The following HCFC1 variants were observed in gnomAD, a reference collection of about 807,000 sequenced individuals.
HCFC1 encodes host cell factor C1.
A neutral mutation model predicts 105.5 loss-of-function variants in HCFC1; 7 were observed. The observed-to-expected ratio is 0.07, with a 90% CI of 0.04 to 0.12. The LOEUF is 0.12. HCFC1 is among the 10% of genes least tolerant of loss of function. The pLI, the probability that HCFC1 is intolerant of heterozygous loss-of-function variation, is 1.00. For synonymous variants in HCFC1, 918 were observed against 828.1 expected, an observed-to-expected ratio of 1.11 and a Z score of -1.86; for missense variants, 1,065 against 1,823.6, an observed-to-expected ratio of 0.58 and a Z score of 7.58.
At chrX:153,963,122 C>T (rs782616078) in intron 4 of HCFC1, 103 bp downstream of exon 4, 1 of 605,797 alleles carries the variant, frequency 1.7e-6, no homozygotes, top group African/African-American at 2.2e-5. Flanking sequence ...GCTCCAGCTC[C>T]CTAAGAGCCC....
At chrX:153,956,600 G>A (rs2065379525) in intron 15 of HCFC1, 25 bp downstream of exon 15, 7 of 1,210,219 alleles carry the variant, frequency 5.8e-6, no homozygotes, top group Middle Eastern at 4.6e-4. Context: ...AGGGGTGGCA[G>A]GGGACCTGGC....
intron 1 of HCFC1, among the ~76,000 whole-genome samples, chrX:153,965,230 G>A (rs782153545): frequency 1.8e-5 from 2 of 111,036 alleles, no homozygotes; most frequent in South Asian, 3.8e-4. Flanking sequence ...CTGACCTCCC[G>A]GACTTCCTCT....
intron 25 of HCFC1, 58 bp from the exon 26 acceptor site, chrX:153,949,444 C>T: frequency 8.8e-7 from 1 of 1,133,496 alleles, no homozygotes; most frequent in Non-Finnish European, 1.2e-6. Flanking sequence ...CACTGGAGGC[C>T]CTGCTGGTGC....
Position 153,959,837 on chromosome X carries a change from C to G in HCFC1, c.1409G>C (p.Ser470Thr). The change falls in exon 8 of 26, where the codon AGC becomes ACC. Residue 470 changes from serine to threonine, a missense_variant. Physicochemically the swap from Ser to Thr is moderately conservative, Grantham distance 58. Transcript: ENST00000310441. ...TIQVLPTVPG[S>T]SISVPTAART... ...GGCTGCGGTGGGCACAGAAATGGAG[C>G]TGCCAGGCACCGTTGGCAAGACCTG... The G allele has an allele frequency of 8.5e-7, 1 of 1,179,610 alleles. No individual in the cohort carries two copies. Among genetic ancestry groups the G allele is most frequent in the East Asian group, 3.0e-5 (1 of 33,519 alleles).
Position 153,958,100 on chromosome X carries a change from G to A in HCFC1, c.1953C>T (p.Thr651=), listed in dbSNP as rs1557115695. Residue 651 remains threonine, a synonymous_variant, in exon 11 of 26, where the codon ACC becomes ACT. Coordinates refer to ENST00000310441, the MANE Select transcript of HCFC1 (RefSeq NM_005334.3). ...VTVAQQAQVV[T]TVVGGVTKTI... ...TCTTGGTGACCCCGCCCACAACTGTGGTCACCACCTGGGCTTGCTGGGCCA... is the reference window on the plus strand; with the variant it reads ...TCTTGGTGACCCCGCCCACAACTGTAGTCACCACCTGGGCTTGCTGGGCCA... The A allele has an allele frequency of 1.7e-6, 2 of 1,211,917 alleles. No homozygotes were observed. The highest frequency in any genetic ancestry group is 2.3e-4 in the Middle Eastern group (1 of 4,350).
intron 3 of HCFC1, 35 bp downstream of exon 3, chrX:153,964,088 AC>A: frequency 8.6e-7 from 1 of 1,161,618 alleles, no homozygotes; most frequent in Non-Finnish European, 1.2e-6. Flanking sequence ...GAGCACACCC[AC>A]CCGGGGGGTT....
chrX:153,953,349 C>T (rs2065333692), intron 18 of HCFC1, among the ~76,000 whole-genome samples: 1 of 112,352 alleles, frequency 8.9e-6, no homozygotes, highest in Non-Finnish European at 1.9e-5. Flanking sequence ...CAGACCCCCG[C>T]CATGTCTTAT....
At chrX:153,966,199 G>A (rs1446981752) in intron 1 of HCFC1, among the ~76,000 whole-genome samples, 6 of 111,186 alleles carry the variant, frequency 5.4e-5, no homozygotes, top group African/African-American at 9.9e-5. Context: ...AACAGAGCAA[G>A]ACCTAACCTC....
At chrX:153,958,275 G>A (rs781874147) in intron 10 of HCFC1, 26 bp from the exon 11 acceptor site, 3 of 1,148,223 alleles carry the variant, frequency 2.6e-6, no homozygotes, top group African/African-American at 3.6e-5. Flanking sequence ...ACGAGTGACA[G>A]GCCAGGCAAA....
Position 153,950,412 on chromosome X carries a change from C to T in HCFC1, c.5835G>A (p.Gln1945=). 1 of 1,210,334 alleles carries T rather than the reference C, an allele frequency of 8.3e-7. No individual in the cohort carries two copies. Among genetic ancestry groups the T allele is most frequent in the Non-Finnish European group, 1.1e-6 (1 of 894,851 alleles). ...CGCAGTACACCCGCATGAAGGCCAGCTGGGCCGGGGTGGAGCTCTTGAGCT... is the reference window on the plus strand; with the variant it reads ...CGCAGTACACCCGCATGAAGGCCAGTTGGGCCGGGGTGGAGCTCTTGAGCT... The part of the protein sequence containing the change: ...GGELKSSTPA[Q]LAFMRVYCGP... Residue 1945 remains glutamine, a synonymous_variant, in exon 24 of 26, where the codon CAG becomes CAA. Transcript: ENST00000310441.
rs375833161 is a variant in HCFC1, at chrX:153,964,565, G to C, written c.342+13C>G. The C allele has an allele frequency of 8.4e-7, 1 of 1,187,921 alleles. No individual in the cohort carries two copies. ...GGCCAAGGAGGCAGAGTGAGAACCT[G>C]GGGCTGCTTTACCTGGAGTTCGTAG... On this transcript the variant is annotated intron_variant, in intron 2 of 25. Coordinates refer to ENST00000310441, the MANE Select transcript of HCFC1 (RefSeq NM_005334.3).
Position 153,954,381 on chromosome X carries a change from C to T in HCFC1, c.4018G>A (p.Gly1340Arg), listed in dbSNP as rs1557113728. The T allele has an allele frequency of 5.0e-6, 6 of 1,195,337 alleles. No homozygotes were observed. The highest frequency in any genetic ancestry group is 6.7e-6 in the Non-Finnish European group (6 of 889,787). The change falls in exon 17 of 26, where the codon GGG becomes AGG. Residue 1340 changes from glycine to arginine, a missense_variant. By Grantham distance (125) the Gly-to-Arg change is moderately radical. Transcript: ENST00000310441. ...CCACCCTCGGGCTGGCCCGTGCCCCCGTTTGAAGTAGCGGTGGTGGCCGTG... is the reference window on the plus strand; with the variant it reads ...CCACCCTCGGGCTGGCCCGTGCCCCTGTTTGAAGTAGCGGTGGTGGCCGTG... ...THTATTATSN[G>R]GTGQPEGGQQ...
chrX:153,964,543 C>T (rs782623806), intron 2 of HCFC1, 35 bp downstream of exon 2: 31 of 1,171,525 alleles, frequency 2.6e-5, no homozygotes, highest in Non-Finnish European at 3.6e-5. Flanking sequence ...CACATGGGGC[C>T]AAGGAGGCAG....
At chrX:153,968,154 G>A (rs1315003316) in intron 1 of HCFC1, among the ~76,000 whole-genome samples, 3 of 111,176 alleles carry the variant, frequency 2.7e-5, no homozygotes, top group Non-Finnish European at 5.7e-5. Context: ...CAAAGCTCTC[G>A]CTCCCCCACC....
intron 1 of HCFC1, among the ~76,000 whole-genome samples, chrX:153,968,238 A>G (rs1291423581): frequency 3.6e-5 from 4 of 111,439 alleles, no homozygotes; most frequent in African/African-American, 1.3e-4. Context: ...CAAGCACAGT[A>G]GCTACCCTAA....
At chrX:153,960,829 C>A (rs982321933) in intron 6 of HCFC1, among the ~76,000 whole-genome samples, 2 of 112,802 alleles carry the variant, frequency 1.8e-5, no homozygotes, top group Non-Finnish European at 3.7e-5. Context: ...GCAGCTGGGG[C>A]TCAAGGTGAG....
chrX:153,951,800 G>GC, intron 20 of HCFC1, 41 bp downstream of exon 20: 1 of 1,171,632 alleles, frequency 8.5e-7, no homozygotes, highest in South Asian at 2.0e-5. Context: ...CTCCCTGGGT[G>GC]CCCCCACCAC....
chrX:153,969,123 G>C (rs781954003), intron 1 of HCFC1, among the ~76,000 whole-genome samples: 1 of 111,439 alleles, frequency 9.0e-6, no homozygotes, highest in Non-Finnish European at 1.9e-5. Context: ...TCTGCCTTGG[G>C]GGGTGGGGAA....
intron 1 of HCFC1, among the ~76,000 whole-genome samples, chrX:153,965,756 T>A (rs1325686149): frequency 8.8e-6 from 1 of 113,013 alleles, no homozygotes; most frequent in Non-Finnish European, 1.9e-5. Context: ...TGGGAAGGCT[T>A]CCACACAGGG....
Sources: allele counts gnomAD v4.1 joint callset (sites outside exome capture counted in the v4.1 genomes callset), GRCh38; gene constraint gnomAD v4.1.1; transcripts MANE v1.5; gene names NCBI Gene and HGNC (gene_info 2026-07-23, HGNC 2026-07-21).